The following EYA1 variants were observed in gnomAD, a reference collection of about 807,000 sequenced individuals.
EYA1 encodes the protein protein phosphatase EYA1.
A neutral mutation model predicts 82.0 loss-of-function variants in EYA1; 16 were observed. That is an observed-to-expected ratio of 0.20 (90% CI 0.13 to 0.30). The LOEUF (loss-of-function observed/expected upper bound fraction) is 0.30, where lower values mean the gene tolerates loss of function less well. Ranked by LOEUF, EYA1 falls within the 10% of genes least tolerant of loss-of-function variation. The pLI is 1.00. For missense variants in EYA1, 633 were observed against 730.7 expected (o/e 0.87, Z 1.54); for synonymous variants, 261 against 264.4 (o/e 0.99, Z 0.12).
intron 2 of EYA1, among the ~76,000 whole-genome samples, chr8:71,461,795 C>T (rs1041453277): frequency 1.3e-5 from 2 of 152,028 alleles, no homozygotes; most frequent in African/African-American, 2.4e-5. Flanking sequence ...CCAGGGTGTC[C>T]CTCAGGGGGA....
In EYA1 at chr8:71,406,309, T is replaced by C. The variant is rs915604037; in HGVS notation, c.34-49798A>G. Among the ~76,000 whole-genome samples, 5 of 152,334 alleles carry C rather than the reference T, an allele frequency of 3.3e-5. No individual in the cohort carries two copies. In the South Asian group the frequency reaches 6.2e-4, roughly 19 times the overall value. The stretch of plus-strand genomic sequence containing the variant: ...CACAAAAAATGGTGGGAAATGACCA[T>C]TACAGAAATGAGAATTAAGTAGATA... On this transcript the variant is annotated intron_variant, in intron 2 of 18. Coordinates refer to the EYA1 transcript ENST00000643681.
chr8:71,336,292 CG>C (rs1824475988), intron 3 of EYA1, among the ~76,000 whole-genome samples: 1 of 152,194 alleles, frequency 6.6e-6, no homozygotes, highest in Non-Finnish European at 1.5e-5. Flanking sequence ...GAGTGGAAAG[CG>C]AAGTCCCTGC....
rs183494250 is a variant in EYA1, at chr8:71,458,469, T to C, written c.33+77275A>G. Among the ~76,000 whole-genome samples the C allele has an allele frequency of 2.3e-3, 346 of 152,188 alleles. 1 individual carries two copies. Among genetic ancestry groups the C allele is most frequent in the African/African-American group, 8.0e-3 (331 of 41,522 alleles). On this transcript the variant is annotated intron_variant, in intron 2 of 18. Coordinates refer to the EYA1 transcript ENST00000643681. ...TTCATTACCTCACATGGCCAGGGAA[T>C]GCTTTTTTCATCACCAGCCATATTC...
At chr8:71,388,364 CT>C (rs1271522751) in intron 2 of EYA1, among the ~76,000 whole-genome samples, 5 of 152,138 alleles carry the variant, frequency 3.3e-5, no homozygotes, top group African/African-American at 9.7e-5. Context: ...GCATACAACT[CT>C]TGTAAAGAAG....
chr8:71,406,032 C>T lies in EYA1; in HGVS notation c.34-49521G>A, dbSNP rs540872241. Among the ~76,000 whole-genome samples, 3 of 152,256 alleles carry T rather than the reference C, an allele frequency of 2.0e-5. No homozygotes were observed. In the East Asian group the frequency reaches 5.8e-4, roughly 29 times the overall value. On this transcript the variant is annotated intron_variant, in intron 2 of 18. Transcript: ENST00000643681. ...GTGGCAAACTTTACAGGAGAAACAA[C>T]TCAATTTCTTTAACAACCAGTGGCA...
At chr8:71,296,995 A>G (rs1586234393) in intron 9 of EYA1, among the ~76,000 whole-genome samples, 1 of 152,262 alleles carries the variant, frequency 6.6e-6, no homozygotes, top group South Asian at 2.1e-4. Flanking sequence ...TCCACTTCTA[A>G]TTATGCAACA....
intron 2 of EYA1, among the ~76,000 whole-genome samples, chr8:71,412,507 T>C (rs1004308808): frequency 6.6e-6 from 1 of 152,184 alleles, no homozygotes; most frequent in Non-Finnish European, 1.5e-5. Context: ...CCTTATCTTT[T>C]AGTGATACAT....
chr8:71,216,270 A>G (rs1035529321), intron 14 of EYA1, among the ~76,000 whole-genome samples: 2 of 152,196 alleles, frequency 1.3e-5, no homozygotes, highest in African/African-American at 4.8e-5. Context: ...TTATTAAGTC[A>G]CTGTATTTCC....
intron 2 of EYA1, among the ~76,000 whole-genome samples, chr8:71,425,282 C>A (rs181676902): frequency 4.6e-5 from 5 of 107,882 alleles, no homozygotes; most frequent in Non-Finnish European, 1.1e-4. Context: ...AGGGAGACTC[C>A]GTCTCAAAGA....
At chr8:71,231,554 A>C (rs1811199195) in intron 12 of EYA1, among the ~76,000 whole-genome samples, 4 of 152,148 alleles carry the variant, frequency 2.6e-5, no homozygotes, top group Admixed American at 2.6e-4. Flanking sequence ...GACTCTAGCT[A>C]ATGACCACAG....
At chr8:71,358,087 CTGTTAAA>C (rs1827059988) in intron 1 of EYA1, among the ~76,000 whole-genome samples, 1 of 151,422 alleles carries the variant, frequency 6.6e-6, no homozygotes, top group African/African-American at 2.4e-5. Flanking sequence ...AGCATTCTTT[CTGTTAAA>C]TGTTAAAATA....
At chr8:71,231,831 A>G (rs952335431) in intron 12 of EYA1, among the ~76,000 whole-genome samples, 1 of 152,134 alleles carries the variant, frequency 6.6e-6, no homozygotes, top group Non-Finnish European at 1.5e-5. Flanking sequence ...ACCTCTCAAC[A>G]TTTCCAAAAT....
At chr8:71,534,511 T>C (rs1199987320) in intron 2 of EYA1, among the ~76,000 whole-genome samples, 1 of 152,176 alleles carries the variant, frequency 6.6e-6, no homozygotes, top group Non-Finnish European at 1.5e-5. Context: ...TCCCATCCAA[T>C]AGCAGTTCCT....
At chr8:71,471,618 C>T (rs1809218347) in intron 2 of EYA1, among the ~76,000 whole-genome samples, 1 of 151,918 alleles carries the variant, frequency 6.6e-6, no homozygotes, top group Non-Finnish European at 1.5e-5. Context: ...TATTTTTACT[C>T]CAAATAATGT....
intron 6 of EYA1, among the ~76,000 whole-genome samples, chr8:71,319,308 T>G (rs982427038): frequency 3.9e-5 from 6 of 152,074 alleles, no homozygotes; most frequent in Admixed American, 3.9e-4. Flanking sequence ...TTTTTTGTAT[T>G]TTTAGTAGAG....
rs1378734933 is a variant in EYA1, at chr8:71,397,449, G to A, written c.34-40938C>T. On this transcript the variant is annotated intron_variant, in intron 2 of 18. Coordinates refer to the EYA1 transcript ENST00000643681. ...TACTAGTTGTTCCTTTCCATGTTTA[G>A]TGCTTCCTTCAGGAGCTCTTGTAAG... Among the ~76,000 whole-genome samples the A allele has an allele frequency of 1.1e-4, 16 of 152,250 alleles. No individual in the cohort carries two copies. In the East Asian group the frequency reaches 3.1e-3, roughly 29 times the overall value.
At chr8:71,388,992 T>G (rs907215543) in intron 2 of EYA1, among the ~76,000 whole-genome samples, 9 of 151,588 alleles carry the variant, frequency 5.9e-5, no homozygotes, top group African/African-American at 2.2e-4. Flanking sequence ...TCTGGGCCCC[T>G]CTCACCCCTC....
At chr8:71,364,638 A>G (rs1827632976), upstream of EYA1, among the ~76,000 whole-genome samples, 1 of 152,054 alleles carries the variant, frequency 6.6e-6, no homozygotes, top group African/African-American at 2.4e-5. Context: ...TGCCATGTAA[A>G]TCTCAATACA....
At chr8:71,512,358 A>C (rs1275919597) in intron 2 of EYA1, among the ~76,000 whole-genome samples, 2 of 152,130 alleles carry the variant, frequency 1.3e-5, no homozygotes, top group Non-Finnish European at 2.9e-5. Context: ...GTTTTTAAAA[A>C]AAAGTTTTAA....
Sources: allele counts gnomAD v4.1 joint callset (sites outside exome capture counted in the v4.1 genomes callset), GRCh38; gene constraint gnomAD v4.1.1; transcripts MANE v1.5; gene names NCBI Gene and HGNC (gene_info 2026-07-23, HGNC 2026-07-21).